FGF12: variants seen among roughly 807,000 people sequenced by gnomAD.
FGF12 encodes the protein fibroblast growth factor 12.
FGF12 carries 14 observed loss-of-function variants against 23.6 expected under a neutral mutation model. That is an observed-to-expected ratio of 0.59 (90% CI 0.39 to 0.93). The LOEUF (loss-of-function observed/expected upper bound fraction) is 0.93. FGF12 is among the 40% of genes least tolerant of loss of function. The probability of loss-of-function intolerance (pLI) is 0.00; values close to 1 mark genes in which losing one functional copy is unlikely to be tolerated. For missense variants in FGF12, 175 were observed against 217.8 expected (o/e 0.80, Z 1.24); for synonymous variants, 62 against 77.3 (o/e 0.80, Z 1.04).
At chr3:192,563,530 C>G (rs1054091693) in intron 2 of FGF12, among the ~76,000 whole-genome samples, 1 of 152,180 alleles carries the variant, frequency 6.6e-6, no homozygotes, top group Non-Finnish European at 1.5e-5. Flanking sequence ...GGAAAAAAAT[C>G]AAGCTAAATC....
chr3:192,394,760 A>G (rs1720450264), intron 2 of FGF12, among the ~76,000 whole-genome samples: 1 of 152,216 alleles, frequency 6.6e-6, no homozygotes, highest in Non-Finnish European at 1.5e-5. Context: ...TTTCAAACCA[A>G]GCAAAAGAAT....
At chr3:192,249,338 C>T (rs183250618) in intron 4 of FGF12, among the ~76,000 whole-genome samples, 4 of 152,204 alleles carry the variant, frequency 2.6e-5, no homozygotes, top group Admixed American at 6.5e-5. Context: ...AGCAGCTACT[C>T]GATAAACGTG....
chr3:192,676,966 C>T (rs566544417), intron 2 of FGF12, among the ~76,000 whole-genome samples: 1 of 152,356 alleles, frequency 6.6e-6, no homozygotes, highest in Non-Finnish European at 1.5e-5. Context: ...TACTTTGTTA[C>T]AGCAGCCCTA....
intron 2 of FGF12, among the ~76,000 whole-genome samples, chr3:192,715,059 CGT>C (rs1718824906): frequency 6.6e-6 from 1 of 152,072 alleles, no homozygotes; most frequent in South Asian, 2.1e-4. Flanking sequence ...TGTTCTTGTA[CGT>C]ATATCTTGCT....
intron 2 of FGF12, among the ~76,000 whole-genome samples, chr3:192,365,298 A>G (rs1251193689): frequency 2.0e-5 from 3 of 152,062 alleles, no homozygotes; most frequent in Non-Finnish European, 4.4e-5. Context: ...ATTGAAGAAA[A>G]CGAATGTCTA....
rs76056268 is a variant in FGF12, at chr3:192,524,956, A to G, written c.14-164418T>C. Among the ~76,000 whole-genome samples the G allele has an allele frequency of 4.4e-4, 67 of 152,324 alleles. 1 individual carries two copies. In the East Asian group the frequency reaches 9.6e-3, roughly 22 times the overall value. On this transcript the variant is annotated intron_variant, in intron 2 of 5. Transcript: ENST00000445105. ...TGGACACATTTTGTCCTAATGCTAC[A>G]AAGATGCAGTAATTATATGTGTTGA...
At chr3:192,170,310 T>C in intron 5 of FGF12, 148 bp downstream of exon 5, 2 of 593,216 alleles carry the variant, frequency 3.4e-6, no homozygotes, top group South Asian at 2.2e-5. Context: ...AAGGAAGAGA[T>C]ACTATTGTGT....
At chr3:192,313,712 A>C (rs1474402106) in intron 4 of FGF12, among the ~76,000 whole-genome samples, 1 of 152,182 alleles carries the variant, frequency 6.6e-6, no homozygotes, top group Non-Finnish European at 1.5e-5. Flanking sequence ...AGTTATGGTG[A>C]TTAGAAAGAT....
intron 2 of FGF12, among the ~76,000 whole-genome samples, chr3:192,518,245 A>G (rs1023530245): frequency 1.6e-4 from 24 of 152,306 alleles, no homozygotes; most frequent in African/African-American, 5.5e-4. Context: ...AATTATAGCA[A>G]GTGACTCACC....
intron 2 of FGF12, among the ~76,000 whole-genome samples, chr3:192,686,142 T>G (rs988895991): frequency 6.6e-6 from 1 of 152,046 alleles, no homozygotes; most frequent in African/African-American, 2.4e-5. Flanking sequence ...AGCTGAGAAG[T>G]CAGTAGAGAG....
intron 2 of FGF12, among the ~76,000 whole-genome samples, chr3:192,378,088 T>G (rs57592705): frequency 7.5e-5 from 9 of 119,506 alleles, no homozygotes; most frequent in South Asian, 2.7e-4. Context: ...CTTTCTTTCT[T>G]TCTTTCTTCT....
At chr3:192,667,600 G>T (rs1716936753) in intron 2 of FGF12, among the ~76,000 whole-genome samples, 1 of 115,250 alleles carries the variant, frequency 8.7e-6, no homozygotes, top group Non-Finnish European at 1.7e-5. Flanking sequence ...GACAGAGCGA[G>T]ACTCCGTAAA....
At chr3:192,160,250 T>C (rs1714790356) in intron 5 of FGF12, among the ~76,000 whole-genome samples, 1 of 152,166 alleles carries the variant, frequency 6.6e-6, no homozygotes, top group African/African-American at 2.4e-5. Context: ...ACATTAACCA[T>C]AAAATCTAAA....
At chr3:192,553,704 C>T (rs73887625) in intron 2 of FGF12, among the ~76,000 whole-genome samples, 2,958 of 152,242 alleles carry the variant, frequency 0.019, 97 homozygotes, top group African/African-American at 0.067. Context: ...CCCCAACCCC[C>T]GGCTCAGAGT....
chr3:192,712,893 G>C (rs1022138690), intron 2 of FGF12, among the ~76,000 whole-genome samples: 2 of 152,068 alleles, frequency 1.3e-5, no homozygotes, highest in Non-Finnish European at 2.9e-5. Flanking sequence ...CACAGAAAAA[G>C]GGTGCACATA....
intron 2 of FGF12, among the ~76,000 whole-genome samples, chr3:192,448,944 A>G (rs543433851): frequency 2.0e-5 from 3 of 152,312 alleles, no homozygotes; most frequent in East Asian, 3.9e-4. Flanking sequence ...GTCTGATCCA[A>G]CTCTGGCACT....
At chr3:192,662,764 CATTTT>C (rs1047783955) in intron 2 of FGF12, among the ~76,000 whole-genome samples, 5 of 152,176 alleles carry the variant, frequency 3.3e-5, no homozygotes, top group Non-Finnish European at 7.3e-5. Context: ...TCCCTTATTT[CATTTT>C]GAGTCAGAGT....
intron 2 of FGF12, among the ~76,000 whole-genome samples, chr3:192,606,747 C>G (rs986468434): frequency 6.6e-6 from 1 of 152,044 alleles, no homozygotes; most frequent in East Asian, 1.9e-4. Flanking sequence ...TATTTAAAAG[C>G]AGTGCAAGGA....
At chr3:192,207,603 GA>G (rs1717722473) in intron 4 of FGF12, among the ~76,000 whole-genome samples, 1 of 152,194 alleles carries the variant, frequency 6.6e-6, no homozygotes, top group African/African-American at 2.4e-5. Context: ...GGAATACCAG[GA>G]AGTGTTGCTG....
Sources: allele counts gnomAD v4.1 joint callset (sites outside exome capture counted in the v4.1 genomes callset), GRCh38; gene constraint gnomAD v4.1.1; transcripts MANE v1.5; gene names NCBI Gene and HGNC (gene_info 2026-07-23, HGNC 2026-07-21).